The following DCAF12 variants were observed in gnomAD, a reference collection of about 807,000 sequenced individuals.
DCAF12 encodes DDB1- and CUL4-associated factor 12.
In DCAF12, 28 loss-of-function variants were observed where a neutral mutation model predicts 52.8. The observed-to-expected ratio is 0.53, with a 90% CI of 0.39 to 0.73. DCAF12 has a LOEUF of 0.73. Ranked by LOEUF, DCAF12 falls within the 30% of genes least tolerant of loss-of-function variation. DCAF12 has a pLI of 0.00. For missense variants in DCAF12, 425 were observed against 552.2 expected, an observed-to-expected ratio of 0.77 and a Z score of 2.31; for synonymous variants, 196 against 215.5, an observed-to-expected ratio of 0.91 and a Z score of 0.79.
rs754906127 is a variant in DCAF12, at chr9:34,098,360, G to A, written c.759C>T (p.Cys253=). The part of the protein sequence containing the change: ...IPKEDTNPDN[C]KVRALAFNNK... ...TGTTGAAGGCCAGAGCCCGAACCTTGCAGTTGTCAGGGTTTGTGTCTTCTT... is the reference window on the plus strand; with the variant it reads ...TGTTGAAGGCCAGAGCCCGAACCTTACAGTTGTCAGGGTTTGTGTCTTCTT... The change falls in exon 5 of 9, where the codon TGC becomes TGT. Residue 253 remains cysteine (C), a synonymous_variant. Transcript: ENST00000361264. The A allele has an allele frequency of 6.2e-7, 1 of 1,614,232 alleles. No individual in the cohort carries two copies. Among genetic ancestry groups the A allele is most frequent in the Non-Finnish European group, 8.5e-7 (1 of 1,180,024 alleles).
intron 2 of DCAF12, among the ~76,000 whole-genome samples, chr9:34,121,475 C>G (rs916672670): frequency 6.6e-6 from 1 of 152,174 alleles, no homozygotes; most frequent in Non-Finnish European, 1.5e-5. Context: ...CAACAAGCAA[C>G]TATATCTGAC....
chr9:34,098,659 A>G, intron 4 of DCAF12, 142 bp from the exon 5 acceptor site: 1 of 732,700 alleles, frequency 1.4e-6, no homozygotes, highest in Non-Finnish European at 2.2e-6. Flanking sequence ...GGCCCACCCT[A>G]AACACAGAGC....
At chr9:34,110,720 G>A (rs1265936084) in intron 2 of DCAF12, among the ~76,000 whole-genome samples, 1 of 151,990 alleles carries the variant, frequency 6.6e-6, no homozygotes, top group Non-Finnish European at 1.5e-5. Context: ...GGAGGTCAAG[G>A]CTGCAGTGAG....
At chr9:34,092,414 G>T (rs1237254735) in intron 7 of DCAF12, among the ~76,000 whole-genome samples, 1 of 152,214 alleles carries the variant, frequency 6.6e-6, no homozygotes, top group South Asian at 2.1e-4. Flanking sequence ...TCGGCCAGGT[G>T]CAGTGGCTCA....
intron 4 of DCAF12, among the ~76,000 whole-genome samples, chr9:34,098,871 C>T (rs117622511): frequency 0.13 from 19,963 of 151,476 alleles, 1,566 homozygotes; most frequent in South Asian, 0.32. Flanking sequence ...TGGGTTCAAG[C>T]GATTCCCGTG....
chr9:34,093,502 G>C (rs1828683413), intron 6 of DCAF12, 54 bp from the exon 7 acceptor site: 24 of 1,592,264 alleles, frequency 1.5e-5, no homozygotes, highest in East Asian at 1.1e-4. Flanking sequence ...GTAAGGCAGG[G>C]ATATTGTTTC....
At chr9:34,126,234 T>C in intron 1 of DCAF12, 120 bp downstream of exon 1, 1 of 1,269,504 alleles carries the variant, frequency 7.9e-7, no homozygotes, top group Non-Finnish European at 1.1e-6. Context: ...CCTGAACCCA[T>C]TCCTGTTTTG....
intron 4 of DCAF12, among the ~76,000 whole-genome samples, chr9:34,105,474 T>C (rs1828890655): frequency 6.6e-6 from 1 of 151,718 alleles, no homozygotes; most frequent in Non-Finnish European, 1.5e-5. Flanking sequence ...AGTTATATTT[T>C]AAAATGTCAA....
intron 7 of DCAF12, among the ~76,000 whole-genome samples, chr9:34,092,598 A>C (rs1432477562): frequency 2.0e-5 from 3 of 151,894 alleles, no homozygotes; most frequent in African/African-American, 2.4e-5. Flanking sequence ...AGGCAGGAGA[A>C]TCACTTGAAC....
intron 4 of DCAF12, 98 bp downstream of exon 4, chr9:34,106,336 C>G (rs972607507): frequency 4.8e-6 from 5 of 1,040,136 alleles, no homozygotes; most frequent in Non-Finnish European, 7.1e-6. Context: ...AGTCACTGAG[C>G]CCGGCTGGGC....
At chr9:34,102,402 C>T (rs1005914492) in intron 4 of DCAF12, among the ~76,000 whole-genome samples, 62 of 152,100 alleles carry the variant, frequency 4.1e-4, no homozygotes, top group Admixed American at 4.1e-3. Flanking sequence ...GTGGCTCACG[C>T]CTGTAACCCC....
intron 4 of DCAF12, 125 bp downstream of exon 4, chr9:34,106,309 C>T (rs1828902711): frequency 1.4e-6 from 1 of 714,432 alleles, no homozygotes; most frequent in African/African-American, 1.8e-5. Flanking sequence ...TCCCAAAGTG[C>T]TGGGATTATA....
intron 4 of DCAF12, among the ~76,000 whole-genome samples, chr9:34,099,388 C>T (rs1217400066): frequency 9.2e-5 from 14 of 151,794 alleles, no homozygotes; most frequent in African/African-American, 1.7e-4. Context: ...CGTGCCACCA[C>T]GCCCAGTTAA....
At chr9:34,121,727 G>A (rs187776031) in intron 2 of DCAF12, among the ~76,000 whole-genome samples, 80 of 152,104 alleles carry the variant, frequency 5.3e-4, no homozygotes, top group Admixed American at 2.5e-3. Context: ...GGCGGATCAC[G>A]AGGTCAGAAG....
intron 2 of DCAF12, chr9:34,109,817 G>A (rs996512857): frequency 5.8e-6 from 2 of 343,990 alleles, no homozygotes; most frequent in South Asian, 2.8e-5. Flanking sequence ...GTGGGTGTGG[G>A]CAGCTTTAGG....
intron 2 of DCAF12, among the ~76,000 whole-genome samples, chr9:34,120,179 G>A (rs1829149056): frequency 7.8e-6 from 1 of 127,666 alleles, no homozygotes; most frequent in African/African-American, 3.1e-5. Context: ...CTTCAGCCTG[G>A]GCAACAAGAA....
intron 7 of DCAF12, among the ~76,000 whole-genome samples, 186 bp downstream of exon 7, chr9:34,093,100 C>A (rs987064831): frequency 3.9e-5 from 6 of 152,242 alleles, no homozygotes; most frequent in Non-Finnish European, 4.4e-5. Context: ...CCACCCGCCT[C>A]GGCCTCCCAA....
rs773416177 is a variant in DCAF12, at chr9:34,093,275, G to A, written c.1024+11C>T. ...CAGCTGTAGGCCTGAGGTGCACACA[G>A]GGACTCTTACCACTGCCTCGCTCCC... On this transcript the variant is annotated intron_variant, in intron 7 of 8. Coordinates refer to ENST00000361264, the MANE Select transcript of DCAF12 (RefSeq NM_015397.4). 4 of 1,614,120 alleles carry A rather than the reference G, an allele frequency of 2.5e-6. No individual in the cohort carries two copies. The highest frequency in any genetic ancestry group is 3.4e-6 in the Non-Finnish European group (4 of 1,180,016).
chr9:34,092,617 C>T (rs2131425769), intron 7 of DCAF12, among the ~76,000 whole-genome samples: 1 of 150,780 alleles, frequency 6.6e-6, no homozygotes, highest in Admixed American at 6.6e-5. Flanking sequence ...ACTCAGAAGG[C>T]AGAGGTTGCA....
Sources: allele counts gnomAD v4.1 joint callset (sites outside exome capture counted in the v4.1 genomes callset), GRCh38; gene constraint gnomAD v4.1.1; transcripts MANE v1.5; gene names NCBI Gene and HGNC (gene_info 2026-07-23, HGNC 2026-07-21).